SATL1: variants seen among roughly 807,000 people sequenced by gnomAD.
SATL1 encodes the protein spermidine/spermine N(1)-acetyltransferase-like protein 1.
Under a neutral mutation model 51.8 loss-of-function variants are expected in SATL1, and 47 were observed. The ratio of observed to expected loss-of-function variants is 0.91; its 90% CI spans 0.72 to 1.16. The LOEUF is 1.16. Ranked by LOEUF, SATL1 falls within the 50% of genes most tolerant of loss-of-function variation. SATL1 has a pLI of 0.00. For synonymous variants in SATL1, 176 were observed against 182.4 expected (o/e 0.97, Z 0.28); for missense variants, 520 against 526.4 (o/e 0.99, Z 0.12).
chrX:85,243,142 C>A (rs757202379), intron 1 of SATL1, among the ~76,000 whole-genome samples: 62 of 112,180 alleles, frequency 5.5e-4, no homozygotes, highest in Non-Finnish European at 9.8e-4. Flanking sequence ...TAATAACATG[C>A]TTTATTTGTA....
intron 2 of SATL1, chrX:85,207,651 T>A (rs1326034231): frequency 8.9e-6 from 1 of 111,879 alleles, no homozygotes; most frequent in Admixed American, 9.5e-5. Flanking sequence ...GACACAACTG[T>A]CCCAGATTCT....
Position 85,134,360 on chromosome X carries a change from T to G in SATL1, c.-312-25080A>C, listed in dbSNP as rs187982126. Among the ~76,000 whole-genome samples, 593 of 111,526 alleles carry G rather than the reference T, an allele frequency of 5.3e-3. 3 individuals carry two copies. The highest frequency in any genetic ancestry group is 0.018 in the African/African-American group (555 of 30,721). ...GGAGGAGAATGTACAACCTTGCAGATTAAATTGAAGGTAGAGGTGAAGCTC... is the reference window on the plus strand; with the variant it reads ...GGAGGAGAATGTACAACCTTGCAGAGTAAATTGAAGGTAGAGGTGAAGCTC... On this transcript the variant is annotated intron_variant, in intron 2 of 7. Transcript: ENST00000644105.
intron 2 of SATL1, among the ~76,000 whole-genome samples, chrX:85,146,386 C>A (rs1215845638): frequency 3.6e-5 from 4 of 111,281 alleles, no homozygotes; most frequent in Non-Finnish European, 7.5e-5. Context: ...GTGATGGACA[C>A]CCCATTTACC....
chrX:85,097,620 G>C (rs1234758059), intron 4 of SATL1, among the ~76,000 whole-genome samples: 1 of 112,303 alleles, frequency 8.9e-6, no homozygotes, highest in Non-Finnish European at 1.9e-5. Context: ...GGGGTTACAG[G>C]CGTGAGCCAC....
chrX:85,107,249 C>T (rs1925068235), intron 3 of SATL1, 79 bp downstream of exon 3: 4 of 841,736 alleles, frequency 4.8e-6, no homozygotes, highest in South Asian at 4.7e-5. Context: ...AGGCAGAATT[C>T]GAACCCCAAC....
chrX:85,161,755 C>A (rs1436557806), intron 2 of SATL1, among the ~76,000 whole-genome samples: 1 of 111,227 alleles, frequency 9.0e-6, no homozygotes, highest in Non-Finnish European at 1.9e-5. Context: ...ATTAGACAGA[C>A]AATTGAGGCA....
At chrX:85,200,175 T>G (rs926125467) in intron 2 of SATL1, among the ~76,000 whole-genome samples, 1 of 111,398 alleles carries the variant, frequency 9.0e-6, no homozygotes, top group Non-Finnish European at 1.9e-5. Context: ...TTTAAAGTAA[T>G]TCATATGTGT....
chrX:85,132,070 C>A (rs1420782159), intron 2 of SATL1, among the ~76,000 whole-genome samples: 1 of 110,897 alleles, frequency 9.0e-6, no homozygotes, highest in African/African-American at 3.3e-5. Context: ...TTCTCTCTGG[C>A]TGCCCTTGAC....
At chrX:85,199,323 T>C (rs1320648834) in intron 2 of SATL1, among the ~76,000 whole-genome samples, 1 of 111,414 alleles carries the variant, frequency 9.0e-6, no homozygotes, top group East Asian at 2.8e-4. Flanking sequence ...CCTCATACAC[T>C]GTTGGTGGGA....
chrX:85,205,429 A>C (rs186723706), intron 2 of SATL1, among the ~76,000 whole-genome samples: 4 of 112,272 alleles, frequency 3.6e-5, no homozygotes, highest in Non-Finnish European at 7.5e-5. Context: ...GATTGTGATA[A>C]ATTCTATAAA....
intron 2 of SATL1, among the ~76,000 whole-genome samples, chrX:85,193,683 T>C (rs768076851): frequency 9.0e-6 from 1 of 111,706 alleles, no homozygotes; most frequent in African/African-American, 3.2e-5. Context: ...GCCTCCACCC[T>C]TAACTAGACT....
In SATL1 at chrX:85,138,535, C is replaced by T. The variant is rs145326973; in HGVS notation, c.-312-29255G>A. ...TTTTGTTTTTAACTCCCAAGCAGGT[C>T]CATTCTCAGCTTATAGCAATTTGTC... On this transcript the variant is annotated intron_variant, in intron 2 of 7. Coordinates refer to ENST00000644105, the MANE Select transcript of SATL1 (RefSeq NM_001367857.2). 5.3e-3 allele frequency among the ~76,000 whole-genome samples: 594 copies of T among 111,594 alleles called. 7 individuals carry two copies. The highest frequency in any genetic ancestry group is 0.011 in the East Asian group (39 of 3,559).
chrX:85,115,028 A>G (rs751202905), intron 2 of SATL1, among the ~76,000 whole-genome samples: 2 of 111,706 alleles, frequency 1.8e-5, no homozygotes, highest in Non-Finnish European at 3.8e-5. Context: ...GTCTTGATGC[A>G]TACTGGGAAG....
intron 2 of SATL1, among the ~76,000 whole-genome samples, chrX:85,152,646 G>A (rs1464684327): frequency 9.0e-6 from 1 of 111,725 alleles, no homozygotes; most frequent in East Asian, 2.8e-4. Context: ...CATAAAAAAT[G>A]ATGAGTTCAT....
intron 2 of SATL1, among the ~76,000 whole-genome samples, chrX:85,179,544 C>A (rs772483450): frequency 1.5e-4 from 17 of 110,861 alleles, no homozygotes; most frequent in Non-Finnish European, 3.0e-4. Flanking sequence ...CTAATGTTTT[C>A]TTTTTCTTTT....
chrX:85,113,578 A>G (rs966300836), intron 2 of SATL1, among the ~76,000 whole-genome samples: 1 of 112,011 alleles, frequency 8.9e-6, no homozygotes, highest in Non-Finnish European at 1.9e-5. Flanking sequence ...AATAACACGT[A>G]TACTATATTT....
chrX:85,113,090 G>A (rs1925297612), intron 2 of SATL1, among the ~76,000 whole-genome samples: 1 of 110,888 alleles, frequency 9.0e-6, no homozygotes, highest in Admixed American at 9.6e-5. Flanking sequence ...GGCTCCATGG[G>A]TTAGTGAAAG....
At chrX:85,163,111 T>G (rs1253322354) in intron 2 of SATL1, among the ~76,000 whole-genome samples, 1 of 110,543 alleles carries the variant, frequency 9.0e-6, no homozygotes, top group African/African-American at 3.3e-5. Flanking sequence ...ACAGTTTCAG[T>G]AGGATTGGTA....
chrX:85,150,767 C>G (rs866215642), intron 2 of SATL1, among the ~76,000 whole-genome samples: 8 of 109,252 alleles, frequency 7.3e-5, no homozygotes, highest in Non-Finnish European at 1.1e-4. Context: ...ATTCAACAAC[C>G]CTTCATGCTA....
Sources: gnomAD v4.1 joint callset for allele counts (sites outside exome capture counted in the v4.1 genomes callset) on GRCh38, gnomAD v4.1.1 for gene constraint, MANE v1.5 for transcripts, NCBI Gene and HGNC (gene_info 2026-07-23, HGNC 2026-07-21) for gene names.